Variants in SMIM36 observed in about 807,000 individuals in gnomAD.
SMIM36 encodes the protein small integral membrane protein 36.
intron 1 of SMIM36, among the ~76,000 whole-genome samples, chr17:55,481,114 A>ATC (rs1453917627): frequency 1.4e-5 from 2 of 144,606 alleles, no homozygotes; most frequent in Non-Finnish European, 3.0e-5. Flanking sequence ...CTCTCTCTTT[A>ATC]TCTCTCTCTC....
intron 1 of SMIM36, among the ~76,000 whole-genome samples, chr17:55,484,325 C>A (rs958245499): frequency 6.6e-6 from 1 of 152,062 alleles, no homozygotes; most frequent in African/African-American, 2.4e-5. Flanking sequence ...AAGTTCTTTA[C>A]AAAAAAATTC....
At chr17:55,521,429 A>G in the SMIM36 span, among the ~76,000 whole-genome samples, 1 of 152,224 alleles carries the variant, frequency 6.6e-6, no homozygotes, top group Non-Finnish European at 1.5e-5. Flanking sequence ...TTTTCTGGTT[A>G]GAAATGTTTC....
At chr17:55,515,096 T>TG (rs1567874110), upstream of SMIM36, among the ~76,000 whole-genome samples, 1 of 104,426 alleles carries the variant, frequency 9.6e-6, no homozygotes, top group Non-Finnish European at 1.6e-5. Flanking sequence ...GTTTTTTTTT[T>TG]TTTTTTTTTT....
intron 1 of SMIM36, among the ~76,000 whole-genome samples, chr17:55,492,469 C>T (rs1221727617): frequency 6.6e-6 from 1 of 151,496 alleles, no homozygotes; most frequent in Admixed American, 6.6e-5. Context: ...TGGTCACGAT[C>T]TCTTGACCTC....
At chr17:55,459,271 C>T (rs1357854121) in intron 4 of SMIM36, among the ~76,000 whole-genome samples, 1 of 152,188 alleles carries the variant, frequency 6.6e-6, no homozygotes, top group Non-Finnish European at 1.5e-5. Context: ...TTGTGTTGTT[C>T]TAAGTCATCT....
chr17:55,480,791 C>T (rs951955244), intron 1 of SMIM36, among the ~76,000 whole-genome samples: 2 of 152,180 alleles, frequency 1.3e-5, no homozygotes, highest in African/African-American at 2.4e-5. Context: ...AATGGTTGCT[C>T]TTTGCATTGC....
At chr17:55,464,072 GC>G (rs747456184) in intron 4 of SMIM36, among the ~76,000 whole-genome samples, 2 of 151,948 alleles carry the variant, frequency 1.3e-5, no homozygotes, top group Non-Finnish European at 2.9e-5. Flanking sequence ...CTGAGATCAC[GC>G]CACTGCACTC....
At chr17:55,513,979 T>C (rs536220163), upstream of SMIM36, among the ~76,000 whole-genome samples, 159 of 152,336 alleles carry the variant, frequency 1.0e-3, no homozygotes, top group African/African-American at 3.7e-3. Flanking sequence ...GTATCTTATT[T>C]CTATTAGCAG....
intron 1 of SMIM36, among the ~76,000 whole-genome samples, chr17:55,496,322 G>A (rs550901996): frequency 5.3e-5 from 8 of 152,210 alleles, no homozygotes; most frequent in African/African-American, 1.4e-4. Flanking sequence ...CTGGCAATGC[G>A]TCAAGCAGAG....
At chr17:55,527,151 G>A in the SMIM36 span, 1 of 152,286 alleles carries the variant, frequency 6.6e-6, no homozygotes, top group Non-Finnish European at 1.5e-5. Context: ...ATGTCCTCAT[G>A]TTATTGACCA....
chr17:55,473,248 A>G (rs1909372221), intron 3 of SMIM36, among the ~76,000 whole-genome samples: 1 of 152,168 alleles, frequency 6.6e-6, no homozygotes, highest in Admixed American at 6.6e-5. Flanking sequence ...TCTGTCTGCC[A>G]TGCCACCAGC....
At chr17:55,496,765 T>C (rs1481525370) in intron 1 of SMIM36, among the ~76,000 whole-genome samples, 1 of 152,230 alleles carries the variant, frequency 6.6e-6, no homozygotes, top group Non-Finnish European at 1.5e-5. Flanking sequence ...GTGACTTTTC[T>C]GCACCCACCT....
intron 1 of SMIM36, among the ~76,000 whole-genome samples, chr17:55,509,254 CACATGTTGG>C (rs1598459729): frequency 6.6e-6 from 1 of 152,166 alleles, no homozygotes; most frequent in African/African-American, 2.4e-5. Flanking sequence ...ACGTTTTCTT[CACATGTTGG>C]ACACCATCAG....
intron 4 of SMIM36, among the ~76,000 whole-genome samples, chr17:55,462,592 T>G (rs1268103983): frequency 6.6e-6 from 1 of 152,022 alleles, no homozygotes; most frequent in African/African-American, 2.4e-5. Flanking sequence ...GGCAACAGAG[T>G]GAGATTATGT....
At chr17:55,516,647 C>T in the SMIM36 span, among the ~76,000 whole-genome samples, 3 of 150,982 alleles carry the variant, frequency 2.0e-5, no homozygotes, top group African/African-American at 7.3e-5. Flanking sequence ...CAAACTCCGC[C>T]TCCCGGTTTC....
At chr17:55,504,860 T>C in intron 1 of SMIM36, among the ~76,000 whole-genome samples, 2 of 72,186 alleles carry the variant, frequency 2.8e-5, no homozygotes, top group African/African-American at 2.8e-4. Flanking sequence ...GAGAGAAGAA[T>C]CAAATAGACA....
intron 1 of SMIM36, among the ~76,000 whole-genome samples, chr17:55,509,800 A>T (rs1334117071): frequency 1.3e-5 from 2 of 152,180 alleles, no homozygotes; most frequent in Non-Finnish European, 2.9e-5. Context: ...AAAATTTTGG[A>T]AATAGACTAA....
chr17:55,525,731 C>T, the SMIM36 span, among the ~76,000 whole-genome samples: 17 of 151,982 alleles, frequency 1.1e-4, no homozygotes, highest in Admixed American at 2.0e-4. Context: ...GATCTCGGCT[C>T]ACTGCAACCT....
intron 1 of SMIM36, among the ~76,000 whole-genome samples, 192 bp from the exon 2 acceptor site, chr17:55,479,772 A>G (rs1909489201): frequency 6.6e-6 from 1 of 152,072 alleles, no homozygotes; most frequent in Non-Finnish European, 1.5e-5. Context: ...GGACAACAAT[A>G]TTTTCATCTT....
Sources: gnomAD v4.1 joint callset for allele counts (sites outside exome capture counted in the v4.1 genomes callset) on GRCh38, gnomAD v4.1.1 for gene constraint, MANE v1.5 for transcripts, NCBI Gene and HGNC (gene_info 2026-07-23, HGNC 2026-07-21) for gene names.